The following MICU1 variants were observed in gnomAD, a reference collection of about 807,000 sequenced individuals.
The protein encoded by MICU1 is mitochondrial calcium uptake 1.
MICU1 carries 45 observed loss-of-function variants against 56.8 expected under a neutral mutation model. The ratio of observed to expected loss-of-function variants is 0.79; its 90% confidence interval spans 0.62 to 1.02. The LOEUF (loss-of-function observed/expected upper bound fraction) is 1.02, where lower values mean the gene tolerates loss of function less well. Among genes scored for constraint, MICU1 ranks in the 50% least tolerant of loss-of-function variants. The probability of loss-of-function intolerance (pLI) is 0.00; values close to 1 mark genes in which losing one functional copy is unlikely to be tolerated. For missense variants in MICU1, 504 were observed against 587.1 expected (o/e 0.86, Z 1.46); for synonymous variants, 186 against 195.1 (o/e 0.95, Z 0.39).
chr10:72,587,617 A>G (rs1841098972), intron 1 of MICU1, among the ~76,000 whole-genome samples: 1 of 151,866 alleles, frequency 6.6e-6, no homozygotes, highest in Non-Finnish European at 1.5e-5. Flanking sequence ...TAAATATACA[A>G]CGACAACAAC....
chr10:72,565,067 C>T (rs1052914345), intron 2 of MICU1, among the ~76,000 whole-genome samples: 10 of 151,414 alleles, frequency 6.6e-5, no homozygotes, highest in Non-Finnish European at 1.5e-5. Flanking sequence ...AGTCACTTGA[C>T]CCCAGGAGTT....
At chr10:72,369,319 AAAG>A (rs947720444) in intron 11 of MICU1, among the ~76,000 whole-genome samples, 3 of 151,782 alleles carry the variant, frequency 2.0e-5, no homozygotes, top group Non-Finnish European at 2.9e-5. Context: ...AAAAAAAAAA[AAAG>A]AGGTGGGCAG....
chr10:72,437,483 A>C (rs1045974350), intron 8 of MICU1, among the ~76,000 whole-genome samples: 1 of 152,242 alleles, frequency 6.6e-6, no homozygotes, highest in Admixed American at 6.5e-5. Context: ...AAGAAACTGC[A>C]TAATTTAATA....
intron 6 of MICU1, 151 bp from the exon 7 acceptor site, chr10:72,477,407 G>T: frequency 8.2e-7 from 1 of 1,218,732 alleles, no homozygotes; most frequent in Non-Finnish European, 1.2e-6. Flanking sequence ...AAATGAAACT[G>T]CATTTATTGA....
intron 1 of MICU1, among the ~76,000 whole-genome samples, chr10:72,572,115 C>T (rs1840626583): frequency 6.6e-6 from 1 of 151,772 alleles, no homozygotes; most frequent in African/African-American, 2.4e-5. Context: ...ACTAAAGAAG[C>T]TCATCCCTCC....
At chr10:72,553,876 T>A (rs1840096961) in intron 3 of MICU1, among the ~76,000 whole-genome samples, 1 of 152,136 alleles carries the variant, frequency 6.6e-6, no homozygotes, top group Non-Finnish European at 1.5e-5. Flanking sequence ...TTAGCCTGGT[T>A]AAAAGGAACA....
At chr10:72,380,838 TA>T (rs1376905031) in intron 10 of MICU1, among the ~76,000 whole-genome samples, 1 of 152,094 alleles carries the variant, frequency 6.6e-6, no homozygotes, top group Non-Finnish European at 1.5e-5. Flanking sequence ...GGGTTTAGAT[TA>T]AAGAAAAGTC....
At chr10:72,616,739 A>T (rs1389144198) in intron 1 of MICU1, among the ~76,000 whole-genome samples, 1 of 152,006 alleles carries the variant, frequency 6.6e-6, no homozygotes, top group Non-Finnish European at 1.5e-5. Flanking sequence ...AGCCTCAGAA[A>T]GTTTCCTCAC....
chr10:72,570,034 C>T (rs953781071), intron 1 of MICU1, among the ~76,000 whole-genome samples: 2 of 152,160 alleles, frequency 1.3e-5, no homozygotes. Context: ...CAACCTCTAC[C>T]TCCTGGGTTC....
chr10:72,489,665 C>G (rs1195048169), intron 6 of MICU1, among the ~76,000 whole-genome samples: 2 of 152,100 alleles, frequency 1.3e-5, no homozygotes, highest in East Asian at 1.9e-4. Flanking sequence ...ATCAGTCCAC[C>G]CCTCATTTCT....
At chr10:72,479,321 T>A (rs916470393) in intron 6 of MICU1, among the ~76,000 whole-genome samples, 5 of 152,202 alleles carry the variant, frequency 3.3e-5, no homozygotes, top group African/African-American at 9.6e-5. Context: ...ACACTCTTCA[T>A]GCTGACACGA....
At chr10:72,508,853 C>T (rs975130423) in intron 5 of MICU1, among the ~76,000 whole-genome samples, 3 of 152,136 alleles carry the variant, frequency 2.0e-5, no homozygotes, top group East Asian at 3.9e-4. Context: ...CCAAATCAGT[C>T]GTACACACTT....
chr10:72,539,526 A>G (rs1162196902), intron 4 of MICU1, among the ~76,000 whole-genome samples: 3 of 152,190 alleles, frequency 2.0e-5, no homozygotes, highest in Non-Finnish European at 4.4e-5. Context: ...AATTTTAAAC[A>G]TTTATTGAGA....
intron 1 of MICU1, among the ~76,000 whole-genome samples, chr10:72,616,750 A>G (rs1841993011): frequency 1.3e-5 from 2 of 151,950 alleles, no homozygotes; most frequent in African/African-American, 2.4e-5. Flanking sequence ...GTTTCCTCAC[A>G]TACATCCACT....
At chr10:72,438,171 A>G (rs1377541030) in intron 8 of MICU1, among the ~76,000 whole-genome samples, 2 of 152,230 alleles carry the variant, frequency 1.3e-5, no homozygotes, top group African/African-American at 4.8e-5. Flanking sequence ...CAGCAAATGT[A>G]AAAGAACAGA....
At chr10:72,431,084 T>TTGTCTGTCTATC in intron 8 of MICU1, among the ~76,000 whole-genome samples, 1 of 124,256 alleles carries the variant, frequency 8.0e-6, no homozygotes, top group African/African-American at 3.0e-5. Flanking sequence ...GAATATACCT[T>TTGTCTGTCTATC]TATCTGTCTG....
intron 10 of MICU1, among the ~76,000 whole-genome samples, chr10:72,404,531 T>G (rs148174537): frequency 6.6e-6 from 1 of 151,228 alleles, no homozygotes; most frequent in Non-Finnish European, 1.5e-5. Context: ...CTAGGTAGAC[T>G]GAGTAAGAAA....
chr10:72,532,396 A>G (rs993486535), intron 5 of MICU1, among the ~76,000 whole-genome samples: 2 of 152,224 alleles, frequency 1.3e-5, no homozygotes, highest in African/African-American at 4.8e-5. Flanking sequence ...CCACCAAGGA[A>G]TATGTGATTG....
At chr10:72,566,574 C>T in intron 2 of MICU1, 59 bp downstream of exon 2, 1 of 1,520,478 alleles carries the variant, frequency 6.6e-7, no homozygotes. Flanking sequence ...TTTCTGACAA[C>T]AGAGATGACT....
Sources: gnomAD v4.1 joint callset for allele counts (sites outside exome capture counted in the v4.1 genomes callset) on GRCh38, gnomAD v4.1.1 for gene constraint, MANE v1.5 for transcripts, NCBI Gene and HGNC (gene_info 2026-07-23, HGNC 2026-07-21) for gene names.